Variants in CAMTA1 observed in about 807,000 individuals in gnomAD.
CAMTA1 encodes the protein calmodulin-binding transcription activator 1.
CAMTA1 carries 27 observed loss-of-function variants against 170.9 expected under a neutral mutation model. The observed-to-expected ratio is 0.16, with a 90% CI of 0.12 to 0.22. The LOEUF is 0.22. CAMTA1 is among the 10% of genes least tolerant of loss of function. The probability of loss-of-function intolerance (pLI) is 1.00; values close to 1 mark genes in which losing one functional copy is unlikely to be tolerated. For synonymous variants in CAMTA1, 833 were observed against 891.5 expected, an observed-to-expected ratio of 0.93 and a Z score of 1.17; for missense variants, 1,619 against 2,217.2, an observed-to-expected ratio of 0.73 and a Z score of 5.42.
chr1:6,939,824 T>C (rs1485666499), intron 3 of CAMTA1, among the ~76,000 whole-genome samples: 3 of 152,210 alleles, frequency 2.0e-5, no homozygotes, highest in African/African-American at 7.2e-5. Context: ...CTAGCATCTG[T>C]CTCCCTGCTT....
At chr1:7,122,498 C>T (rs982198560) in intron 4 of CAMTA1, among the ~76,000 whole-genome samples, 4 of 152,106 alleles carry the variant, frequency 2.6e-5, no homozygotes, top group African/African-American at 7.2e-5. Context: ...CGGGAGGACA[C>T]GTGCCCCTGA....
chr1:7,760,981 A>G (rs1056800061), intron 22 of CAMTA1, among the ~76,000 whole-genome samples: 3 of 152,228 alleles, frequency 2.0e-5, no homozygotes, highest in Non-Finnish European at 4.4e-5. Flanking sequence ...GGCCTACTTC[A>G]TTGATTCATA....
chr1:7,468,642 T>C (rs2149547009), intron 6 of CAMTA1, among the ~76,000 whole-genome samples: 1 of 152,352 alleles, frequency 6.6e-6, no homozygotes, highest in Non-Finnish European at 1.5e-5. Flanking sequence ...AAATGCATCC[T>C]CTGATTTGCA....
intron 6 of CAMTA1, among the ~76,000 whole-genome samples, chr1:7,574,735 A>T (rs1370721976): frequency 1.3e-5 from 2 of 152,098 alleles, no homozygotes; most frequent in Admixed American, 1.3e-4. Flanking sequence ...CAGTCTTTAG[A>T]CTTTCAGGGG....
chr1:7,144,064 C>T lies in CAMTA1; in HGVS notation c.302+52693C>T, dbSNP rs539856685. Among the ~76,000 whole-genome samples the T allele has an allele frequency of 2.0e-5, 3 of 152,176 alleles. No individual in the cohort carries two copies. The highest frequency in any genetic ancestry group is 2.1e-4 in the South Asian group (1 of 4,826). On this transcript the variant is annotated intron_variant, in intron 4 of 22. Transcript: ENST00000303635. The surrounding 1 kb of genome is among the most constrained non-coding windows in gnomAD (Gnocchi z 4.0). ...TTGCATCTGTCTTAAGTCAGGCTGCCGTAACAAAATACCACAGACTGGGTG... is the reference window on the plus strand; with the variant it reads ...TTGCATCTGTCTTAAGTCAGGCTGCTGTAACAAAATACCACAGACTGGGTG...
rs982300779 is a variant in CAMTA1 at position 7,091,261 on chromosome 1, G to A, written c.235-43G>A. On this transcript the variant is annotated intron_variant, in intron 3 of 22. Transcript: ENST00000303635. ...ACTTTCTTACCTCTCAGGATCCAATGTGAGCTAATTGTTGTTATTATCTTT... is the reference window on the plus strand; with the variant it reads ...ACTTTCTTACCTCTCAGGATCCAATATGAGCTAATTGTTGTTATTATCTTT... 7 of 1,426,500 alleles carry A rather than the reference G, an allele frequency of 4.9e-6. No individual in the cohort carries two copies. The Admixed American group carries it at 5.1e-5, about 10-fold the overall frequency. 88.4% of individuals were successfully genotyped at this position (1,426,500 alleles called of 1,614,324 possible). A position where few individuals can be genotyped will look rare whatever the true frequency, so the allele number is the denominator to read the frequency against.
intron 5 of CAMTA1, among the ~76,000 whole-genome samples, chr1:7,415,378 T>A (rs1047316639): frequency 1.3e-5 from 2 of 151,750 alleles, no homozygotes; most frequent in African/African-American, 4.8e-5. Context: ...CTCCCATTAT[T>A]ATTGTGTGGG....
At chr1:7,436,062 G>A (rs937495724) in intron 5 of CAMTA1, among the ~76,000 whole-genome samples, 1 of 152,196 alleles carries the variant, frequency 6.6e-6, no homozygotes, top group African/African-American at 2.4e-5. Context: ...TTATTTATCA[G>A]GTAGACTCTC....
intron 4 of CAMTA1, among the ~76,000 whole-genome samples, chr1:7,176,491 C>G (rs1339640272): frequency 1.3e-5 from 2 of 152,152 alleles, no homozygotes; most frequent in African/African-American, 4.8e-5. Context: ...CATAGGGTAT[C>G]CTTAGGCCTC....
intron 5 of CAMTA1, among the ~76,000 whole-genome samples, chr1:7,291,622 G>T (rs1459767657): frequency 1.3e-5 from 2 of 152,236 alleles, no homozygotes; most frequent in East Asian, 3.8e-4. Flanking sequence ...ACCTCAGGAG[G>T]CTGATATCAC....
chr1:7,519,793 C>T (rs1051160617), intron 6 of CAMTA1, among the ~76,000 whole-genome samples: 2 of 151,668 alleles, frequency 1.3e-5, no homozygotes, highest in African/African-American at 4.9e-5. Context: ...TGGTCACCCC[C>T]ACATCTGGAT....
At chr1:6,827,825 C>A (rs1430290056) in intron 3 of CAMTA1, among the ~76,000 whole-genome samples, 1 of 152,040 alleles carries the variant, frequency 6.6e-6, no homozygotes. Flanking sequence ...TATTAAGAGC[C>A]CGTTTTCCTT....
chr1:7,732,714 C>T lies in CAMTA1; in HGVS notation c.3066+115C>T. 7.1e-7 allele frequency: 1 copy of T among 1,403,112 alleles called. No homozygotes were observed. Among genetic ancestry groups the T allele is most frequent in the Non-Finnish European group, 9.5e-7 (1 of 1,054,704 alleles). 86.9% of individuals were successfully genotyped at this position (1,403,112 alleles called of 1,614,324 possible). A position where few individuals can be genotyped will look rare whatever the true frequency, so the allele number is the denominator to read the frequency against. The stretch of plus-strand genomic sequence containing the variant: ...TGCTGATGCGGTCCCTGTATTCAGG[C>T]AGAAGGCCTGAGGGAGTACTTTACG... On this transcript the variant is annotated intron_variant, in intron 12 of 22. Coordinates refer to ENST00000303635, the MANE Select transcript of CAMTA1 (RefSeq NM_015215.4). The surrounding 1 kb of genome is among the most constrained non-coding windows in gnomAD (Gnocchi z 4.1).
chr1:7,585,318 C>T lies in CAMTA1; in HGVS notation c.511-55082C>T, dbSNP rs891070739. Among the ~76,000 whole-genome samples the T allele has an allele frequency of 3.9e-5, 6 of 152,110 alleles. No individual in the cohort carries two copies. The highest frequency in any genetic ancestry group is 1.9e-4 in the East Asian group (1 of 5,190). ...TAGAGTAGCCAAGAAGAGGCCTCTGCGGAGGGGCACCTGGCAGAGCCCTGA... is the reference window on the plus strand; with the variant it reads ...TAGAGTAGCCAAGAAGAGGCCTCTGTGGAGGGGCACCTGGCAGAGCCCTGA... On this transcript the variant is annotated intron_variant, in intron 6 of 22. Coordinates refer to ENST00000303635, the MANE Select transcript of CAMTA1 (RefSeq NM_015215.4). This position sits in a 1 kb window ranked among gnomAD's most constrained non-coding sequence, Gnocchi z 4.8.
intron 4 of CAMTA1, among the ~76,000 whole-genome samples, chr1:7,176,037 C>A (rs1433459524): frequency 2.0e-5 from 3 of 152,194 alleles, no homozygotes; most frequent in East Asian, 1.9e-4. Context: ...CAGCTCCCAC[C>A]ACCTGACCTT....
intron 3 of CAMTA1, among the ~76,000 whole-genome samples, chr1:6,992,895 T>G (rs1477932479): frequency 6.6e-6 from 1 of 152,248 alleles, no homozygotes; most frequent in Non-Finnish European, 1.5e-5. Context: ...CATCTCAGAT[T>G]AACTTTTATG....
At chr1:7,141,745 A>G (rs1413458573) in intron 4 of CAMTA1, among the ~76,000 whole-genome samples, 2 of 152,250 alleles carry the variant, frequency 1.3e-5, no homozygotes, top group Admixed American at 6.5e-5. Flanking sequence ...TCTAATTATA[A>G]TCAGATCCTG....
At chr1:7,020,421 G>T (rs958196850) in intron 3 of CAMTA1, among the ~76,000 whole-genome samples, 2 of 152,218 alleles carry the variant, frequency 1.3e-5, no homozygotes, top group African/African-American at 2.4e-5. Flanking sequence ...TAGCCTGGGA[G>T]GGTAGGAGGC....
At chr1:7,433,089 G>T (rs980502218) in intron 5 of CAMTA1, among the ~76,000 whole-genome samples, 2 of 152,244 alleles carry the variant, frequency 1.3e-5, no homozygotes, top group African/African-American at 2.4e-5. Context: ...AGGGTACTTG[G>T]TCCCTGTGGC....
Sources: gnomAD v4.1 joint callset for allele counts (sites outside exome capture counted in the v4.1 genomes callset) on GRCh38, gnomAD v4.1.1 for gene constraint, Gnocchi (gnomAD v3.1) non-coding constraint, MANE v1.5 for transcripts, NCBI Gene and HGNC (gene_info 2026-07-23, HGNC 2026-07-21) for gene names.